SUCLG1: variants seen among roughly 807,000 people sequenced by gnomAD.
SUCLG1 encodes succinate-CoA ligase GDP/ADP-forming subunit alpha.
SUCLG1 carries 26 observed loss-of-function variants against 37.3 expected under a neutral mutation model. The ratio of observed to expected loss-of-function variants is 0.70; its 90% CI spans 0.51 to 0.97. The LOEUF is 0.97. Ranked by LOEUF, SUCLG1 falls within the 50% of genes least tolerant of loss-of-function variation. The pLI is 0.00. For missense variants in SUCLG1, 433 were observed against 432.9 expected, an observed-to-expected ratio of 1.00 and a Z score of 0.00; for synonymous variants, 163 against 155.6, an observed-to-expected ratio of 1.05 and a Z score of -0.36.
chr2:84,443,347 T>A lies in SUCLG1; in HGVS notation c.255A>T (p.Gly85=), dbSNP rs1252179552. 6.2e-7 allele frequency: 1 copy of A among 1,614,200 alleles called. No homozygotes were observed. Among genetic ancestry groups the A allele is most frequent in the Middle Eastern group, 1.7e-4 (1 of 6,060 alleles). ...ALEYGTKLVG[G]TTPGKGGQTH... ...TCTGGCCTCCTTTCCCTGGAGTGGTTCCTCCAACGAGTTTGGTGCCATATT... is the reference window on the plus strand; with the variant it reads ...TCTGGCCTCCTTTCCCTGGAGTGGTACCTCCAACGAGTTTGGTGCCATATT... The change falls in exon 3 of 9, where the codon GGA becomes GGT. Residue 85 remains glycine (G), a synonymous_variant. Transcript: ENST00000393868.
intron 5 of SUCLG1, among the ~76,000 whole-genome samples, chr2:84,436,050 A>G (rs1672683584): frequency 6.6e-6 from 1 of 152,076 alleles, no homozygotes; most frequent in Non-Finnish European, 1.5e-5. Flanking sequence ...CAATTCCAGT[A>G]CCTTCCGGTA....
In SUCLG1 at chr2:84,425,550, A is replaced by G; in HGVS notation, c.879T>C (p.Pro293=). 6.2e-7 allele frequency: 1 copy of G among 1,614,228 alleles called. No individual in the cohort carries two copies. Among genetic ancestry groups the G allele is most frequent in the Non-Finnish European group, 8.5e-7 (1 of 1,180,044 alleles). ...CCCCGGCATGACCCATTCTTCTCCC[A>G]GGAGGAGCAGTTAAACCAGCAATGA... The part of the protein sequence containing the change: ...VSFIAGLTAP[P]GRRMGHAGAI... The change falls in exon 8 of 9, where the codon CCT becomes CCC. Residue 293 remains proline (P), a synonymous_variant. Coordinates refer to ENST00000393868, the MANE Select transcript of SUCLG1 (RefSeq NM_003849.4).
rs114489238 is a variant in SUCLG1 at position 84,438,925 on chromosome 2, G to A, written c.589+2122C>T. On this transcript the variant is annotated intron_variant, in intron 5 of 8. Coordinates refer to ENST00000393868, the MANE Select transcript of SUCLG1 (RefSeq NM_003849.4). Reference sequence around the variant, plus strand: ...TAAAATGGACCAATCAGCAGGACACGGGCAGGGGACAAATAAGGGAATAAA... The same window carrying A: ...TAAAATGGACCAATCAGCAGGACACAGGCAGGGGACAAATAAGGGAATAAA... Among the ~76,000 whole-genome samples, 1,396 of 152,226 alleles carry A rather than the reference G, an allele frequency of 9.2e-3. 28 individuals are homozygous for A. Among genetic ancestry groups the A allele is most frequent in the African/African-American group, 0.031 (1,307 of 41,518 alleles).
At chr2:84,452,044 G>A (rs901307369) in intron 1 of SUCLG1, among the ~76,000 whole-genome samples, 1 of 152,114 alleles carries the variant, frequency 6.6e-6, no homozygotes, top group African/African-American at 2.4e-5. Flanking sequence ...AACATTTGAG[G>A]AGCACCCATA....
At chr2:84,455,314 G>C (rs1673000526) in intron 1 of SUCLG1, among the ~76,000 whole-genome samples, 3 of 152,118 alleles carry the variant, frequency 2.0e-5, no homozygotes, top group Admixed American at 2.0e-4. Flanking sequence ...GACCAACATG[G>C]AGAAACCCCG....
At chr2:84,457,150 T>C (rs183322069) in intron 1 of SUCLG1, among the ~76,000 whole-genome samples, 21 of 152,308 alleles carry the variant, frequency 1.4e-4, no homozygotes, top group African/African-American at 4.8e-4. Flanking sequence ...TCTATTAGCT[T>C]CACAGACTAA....
rs1672908333 is a variant in SUCLG1, at chr2:84,449,720, T to G, written c.130A>C (p.Thr44Pro). 1 of 1,595,310 alleles carries G rather than the reference T, an allele frequency of 6.3e-7. No individual in the cohort carries two copies. The highest frequency in any genetic ancestry group is 8.5e-7 in the Non-Finnish European group (1 of 1,174,806). The change falls in exon 2 of 9, where the codon ACA becomes CCA. Residue 44 changes from threonine (T) to proline (P), a missense_variant. Coordinates refer to ENST00000393868, the MANE Select transcript of SUCLG1 (RefSeq NM_003849.4). Reference protein sequence around the residue: ...PQNGIRHCSYTASRQHLYVDK... With the variant: ...PQNGIRHCSYPASRQHLYVDK... ...ACATAGAGATGTTGCCGAGAAGCTG[T>G]GTAGGAACAATGCCGAATTCCATTC...
Position 84,438,827 on chromosome 2 carries a change from T to C in SUCLG1, c.589+2220A>G, listed in dbSNP as rs577287006. 9.9e-5 allele frequency among the ~76,000 whole-genome samples: 15 copies of C among 152,182 alleles called. No individual in the cohort carries two copies. In the South Asian group the frequency reaches 3.1e-3, roughly 32 times the overall value. ...CACCAATCAGCGCTCTGTAGCTAGCTAGAAGTTTGTAAAATGCACTAACCA... is the reference window on the plus strand; with the variant it reads ...CACCAATCAGCGCTCTGTAGCTAGCCAGAAGTTTGTAAAATGCACTAACCA... On this transcript the variant is annotated intron_variant, in intron 5 of 8. Coordinates refer to ENST00000393868, the MANE Select transcript of SUCLG1 (RefSeq NM_003849.4).
At chr2:84,447,148 A>G (rs1042517400) in intron 2 of SUCLG1, among the ~76,000 whole-genome samples, 20 of 152,366 alleles carry the variant, frequency 1.3e-4, no homozygotes, top group African/African-American at 4.6e-4. Context: ...TTTTTAATTC[A>G]TATGTGGAAC....
At position 84,457,475 on chromosome 2, in the gene SUCLG1, A is replaced by G. The variant is rs763081239; in HGVS notation, c.97+1698T>C. Among the ~76,000 whole-genome samples, 20 of 152,302 alleles carry G rather than the reference A, an allele frequency of 1.3e-4. No homozygotes were observed. In the South Asian group the frequency reaches 1.7e-3, roughly 13 times the overall value. On this transcript the variant is annotated intron_variant, in intron 1 of 8. Coordinates refer to ENST00000393868, the MANE Select transcript of SUCLG1 (RefSeq NM_003849.4). ...ATGATCCTGGGAGTCTAGGAAGAACACACTTCCAGTTCTGTGGGAAGAGGA... is the reference window on the plus strand; with the variant it reads ...ATGATCCTGGGAGTCTAGGAAGAACGCACTTCCAGTTCTGTGGGAAGAGGA...
At chr2:84,439,845 A>G (rs1225712199) in intron 5 of SUCLG1, among the ~76,000 whole-genome samples, 1 of 152,212 alleles carries the variant, frequency 6.6e-6, no homozygotes, top group Non-Finnish European at 1.5e-5. Context: ...GTAGCAGGGC[A>G]ATTTTCCTGA....
intron 5 of SUCLG1, among the ~76,000 whole-genome samples, chr2:84,435,191 T>C (rs1213192739): frequency 6.6e-6 from 1 of 152,194 alleles, no homozygotes; most frequent in Non-Finnish European, 1.5e-5. Context: ...CTGCTTAAGA[T>C]GGAGTGTTTC....
At chr2:84,449,154 GAAAGTATAAGATGAAAA>G (rs1242273818) in intron 2 of SUCLG1, among the ~76,000 whole-genome samples, 1 of 152,166 alleles carries the variant, frequency 6.6e-6, no homozygotes, top group Non-Finnish European at 1.5e-5. Context: ...TCATCCCAGA[GAAAGTATAAGATGAAAA>G]AAGTCAGTGG....
At chr2:84,441,814 A>C (rs1172206078) in intron 3 of SUCLG1, among the ~76,000 whole-genome samples, 1 of 152,210 alleles carries the variant, frequency 6.6e-6, no homozygotes, top group East Asian at 1.9e-4. Flanking sequence ...ACTCTGTTCA[A>C]GATGATAACA....
At chr2:84,449,837 CAAA>C in intron 1 of SUCLG1, 85 bp from the exon 2 acceptor site, 1 of 1,021,510 alleles carries the variant, frequency 9.8e-7, no homozygotes, top group Non-Finnish European at 1.4e-6. Context: ...AACTTGATCA[CAAA>C]AAAAAAATTC....
In SUCLG1 at chr2:84,423,668, T is replaced by C; in HGVS notation, c.*78A>G. On this transcript the variant is annotated 3_prime_UTR_variant, in exon 9 of 9. Transcript: ENST00000393868. ...TCAGGCACATAGGCTGATTAATCAG[T>C]GGACAACAGAAGCAAACTGCTGCTG... The C allele has an allele frequency of 3.5e-6, 5 of 1,421,486 alleles. No homozygotes were observed. Among genetic ancestry groups the C allele is most frequent in the African/African-American group, 1.4e-5 (1 of 71,228 alleles). 88.1% of individuals were successfully genotyped at this position (1,421,486 alleles called of 1,614,324 possible).
chr2:84,448,001 G>C (rs1672875431), intron 2 of SUCLG1, among the ~76,000 whole-genome samples: 1 of 151,988 alleles, frequency 6.6e-6, no homozygotes, highest in Admixed American at 6.6e-5. Flanking sequence ...TAAAGTGCTA[G>C]GATTACAGGT....
chr2:84,445,526 G>A (rs1180698772), intron 2 of SUCLG1, among the ~76,000 whole-genome samples: 1 of 152,070 alleles, frequency 6.6e-6, no homozygotes, highest in African/African-American at 2.4e-5. Flanking sequence ...AACTCAACAT[G>A]TCCAAAACTG....
chr2:84,454,362 A>G (rs185768515), intron 1 of SUCLG1, among the ~76,000 whole-genome samples: 1 of 152,250 alleles, frequency 6.6e-6, no homozygotes, highest in South Asian at 2.1e-4. Context: ...CAATAATAGT[A>G]TCTCCTTCAT....
Sources: gnomAD v4.1 joint callset for allele counts (sites outside exome capture counted in the v4.1 genomes callset) on GRCh38, gnomAD v4.1.1 for gene constraint, MANE v1.5 for transcripts, NCBI Gene and HGNC (gene_info 2026-07-23, HGNC 2026-07-21) for gene names.